The following SMS variants were observed in gnomAD, a reference collection of about 807,000 sequenced individuals.
SMS encodes spermidine aminopropyltransferase.
In SMS, 3 loss-of-function variants were observed where a neutral mutation model predicts 33.0. That is an observed-to-expected ratio of 0.09 (90% CI 0.04 to 0.23). SMS has a LOEUF of 0.23. Among genes scored for constraint, SMS ranks in the 10% least tolerant of loss-of-function variants. The pLI, the probability that SMS is intolerant of heterozygous loss-of-function variation, is 1.00. For missense variants in SMS, 117 were observed against 288.6 expected (o/e 0.41, Z 4.31); for synonymous variants, 103 against 112.2 (o/e 0.92, Z 0.52).
intron 5 of SMS, 112 bp downstream of exon 5, chrX:21,977,348 C>A: frequency 1.4e-6 from 1 of 708,922 alleles, no homozygotes; most frequent in Non-Finnish European, 2.3e-6. Context: ...GTTTTTGACA[C>A]TGCTGGTTTT....
At chrX:21,966,832 T>C (rs1923756902) in intron 1 of SMS, among the ~76,000 whole-genome samples, 1 of 111,483 alleles carries the variant, frequency 9.0e-6, no homozygotes, top group Non-Finnish European at 1.9e-5. Flanking sequence ...CTTGAATTTA[T>C]TTGCATTTCT....
chrX:21,959,667 T>C (rs1040891195), intron 1 of SMS, among the ~76,000 whole-genome samples: 1 of 112,974 alleles, frequency 8.9e-6, no homozygotes, highest in Non-Finnish European at 1.9e-5. Context: ...TGATTTCAAA[T>C]TGGATTGGAA....
rs10599284 is a variant in SMS, at chrX:21,953,890, A to ATT, written c.49+13031_49+13032dup. 4.6e-3 allele frequency among the ~76,000 whole-genome samples: 415 copies of ATT among 90,115 alleles called. 1 individual carries two copies. Among genetic ancestry groups the ATT allele is most frequent in the South Asian group, 0.019 (34 of 1,755 alleles). 78.3% of individuals were successfully genotyped at this position (90,115 alleles called of 115,157 possible). A position where few individuals can be genotyped will look rare whatever the true frequency, so the allele number is the denominator to read the frequency against. ...CCTCTAGTTTTTATCAATTTTATTG[A>ATT]TTTTTTTTTTTTTTTGCTGTTATCC... On this transcript the variant is annotated intron_variant, in intron 1 of 10. Transcript: ENST00000404933.
chrX:21,966,024 G>C (rs1031626895), intron 1 of SMS, among the ~76,000 whole-genome samples: 6 of 111,991 alleles, frequency 5.4e-5, no homozygotes, highest in Non-Finnish European at 9.4e-5. Context: ...TAAACTTCCC[G>C]TTTGTAGCCT....
At chrX:21,952,413 G>GT (rs1569342226) in intron 1 of SMS, among the ~76,000 whole-genome samples, 1 of 77,383 alleles carries the variant, frequency 1.3e-5, no homozygotes, top group Non-Finnish European at 2.4e-5. Context: ...CACGTTGTTT[G>GT]TTTGTTTGTT....
chrX:21,967,139 G>C, intron 1 of SMS, 57 bp from the exon 2 acceptor site: 1 of 1,176,463 alleles, frequency 8.5e-7, no homozygotes, highest in East Asian at 3.0e-5. Flanking sequence ...TGCCTCATTG[G>C]CCTTCCTTCT....
At position 21,978,178 on chromosome X, in the gene SMS, T is replaced by C. The variant is rs1924660923; in HGVS notation, c.660+64T>C. 3.8e-6 allele frequency: 4 copies of C among 1,059,372 alleles called. No individual in the cohort carries two copies. In the Admixed American group the frequency reaches 8.8e-5, roughly 23 times the overall value. The allele number at this position is 1,059,372 out of a possible 1,213,427, so 87.3% of individuals were successfully genotyped here. ...TCTTTTGTTTCCTTCCTTCAGTGTC[T>C]CACAACTCAAATTAATGTTACCACA... On this transcript the variant is annotated intron_variant, in intron 6 of 10. Coordinates refer to ENST00000404933, the MANE Select transcript of SMS (RefSeq NM_004595.5).
chrX:21,972,543 A>G lies in SMS; in HGVS notation c.301A>G (p.Ser101Gly), dbSNP rs774131287. The G allele has an allele frequency of 1.7e-5, 20 of 1,188,083 alleles. No individual in the cohort carries two copies. In the Admixed American group the frequency reaches 2.6e-4, roughly 16 times the overall value. The change falls in exon 4 of 11, where the codon AGT becomes GGT. Residue 101 changes from serine (S) to glycine (G), a missense_variant. By Grantham distance (56) the Ser-to-Gly change is moderately conservative. This residue lies in a region of SMS where 25 missense variants were observed against 24.4 expected (regional missense o/e 1.03). Coordinates refer to ENST00000404933, the MANE Select transcript of SMS (RefSeq NM_004595.5). ...AGTAGAGGAAAGAATGAAAGAATTG[A>G]GTCAGGACAGTACTGGGCGGGTGAA... ...NKVEERMKELSQDSTGRVKRL... is the reference protein window; with the variant it reads ...NKVEERMKELGQDSTGRVKRL...
intron 1 of SMS, among the ~76,000 whole-genome samples, chrX:21,960,591 A>T (rs1232639686): frequency 3.6e-5 from 4 of 112,122 alleles, no homozygotes; most frequent in Non-Finnish European, 7.5e-5. Flanking sequence ...CTGTATTAAT[A>T]AAAGCTTATT....
At position 21,940,721 on chromosome X, in the gene SMS, C is replaced by T; in HGVS notation, c.-104C>T. 6.0e-6 allele frequency: 4 copies of T among 669,193 alleles called. No individual in the cohort carries two copies. Among genetic ancestry groups the T allele is most frequent in the Non-Finnish European group, 8.7e-6 (4 of 460,395 alleles). The allele number at this position is 669,193 out of a possible 1,213,427, so 55.1% of individuals were successfully genotyped here. A position where few individuals can be genotyped will look rare whatever the true frequency, so the allele number is the denominator to read the frequency against. ...CCTCCCACCTCCTAGTCCTGGCCTC[C>T]CCGGGCGCAGCACACTCCCAGCCGG... On this transcript the variant is annotated 5_prime_UTR_variant, in exon 1 of 11. Coordinates refer to ENST00000404933, the MANE Select transcript of SMS (RefSeq NM_004595.5).
At chrX:21,959,855 C>T (rs1209189996) in intron 1 of SMS, 1 of 683,377 alleles carries the variant, frequency 1.5e-6, no homozygotes, top group Non-Finnish European at 1.7e-6. Flanking sequence ...GGGGGAGTTG[C>T]AGACTGGCTC....
intron 1 of SMS, among the ~76,000 whole-genome samples, chrX:21,962,856 C>T (rs769154020): frequency 1.8e-5 from 2 of 109,807 alleles, no homozygotes; most frequent in Non-Finnish European, 3.8e-5. Context: ...GATTTTACCA[C>T]GTTGCCCAGG....
rs185528181 is a variant in SMS, at chrX:21,953,464, G to A, written c.49+12591G>A. On this transcript the variant is annotated intron_variant, in intron 1 of 10. Transcript: ENST00000404933. Reference sequence around the variant, plus strand: ...TGCAGCTGCACAGCTAGAGAAACAGGGTCTTCACAATGCCTGGGAAAGGAG... The same window carrying A: ...TGCAGCTGCACAGCTAGAGAAACAGAGTCTTCACAATGCCTGGGAAAGGAG... Among the ~76,000 whole-genome samples, 517 of 112,044 alleles carry A rather than the reference G, an allele frequency of 4.6e-3. 5 individuals carry two copies. Among genetic ancestry groups the A allele is most frequent in the African/African-American group, 0.016 (486 of 30,866 alleles).
rs757173966 is a variant in SMS, at chrX:21,945,850, C to G, written c.49+4977C>G. On this transcript the variant is annotated intron_variant, in intron 1 of 10. Transcript: ENST00000404933. ...ATGTTGGCCAGGCTGGTCTCGAACT[C>G]CTGACCTCATGATCCACCCGCATTG... is the stretch of plus-strand genomic sequence containing the variant. Among the ~76,000 whole-genome samples the G allele has an allele frequency of 2.7e-5, 3 of 110,803 alleles. No homozygotes were observed. The South Asian group carries it at 1.2e-3, about 43-fold the overall frequency.
chrX:21,985,718 G>T (rs2146954486), intron 9 of SMS, among the ~76,000 whole-genome samples: 1 of 111,923 alleles, frequency 8.9e-6, no homozygotes, highest in South Asian at 3.7e-4. Context: ...AAAATTCCTT[G>T]ATGCATAAAC....
At chrX:21,968,521 C>T (rs899604309) in intron 2 of SMS, among the ~76,000 whole-genome samples, 4 of 111,584 alleles carry the variant, frequency 3.6e-5, no homozygotes, top group Non-Finnish European at 5.6e-5. Flanking sequence ...AGTGGATCTG[C>T]GGCAGGGCCC....
intron 5 of SMS, 61 bp from the exon 6 acceptor site, chrX:21,977,899 G>A: frequency 3.7e-6 from 4 of 1,084,949 alleles, no homozygotes; most frequent in Non-Finnish European, 5.1e-6. Context: ...TCAGTGTGGT[G>A]GGGCCAGGTG....
At chrX:21,961,034 CTTTTTT>C (rs773159264) in intron 1 of SMS, among the ~76,000 whole-genome samples, 1 of 41,728 alleles carries the variant, frequency 2.4e-5, no homozygotes, top group African/African-American at 1.1e-4. Context: ...ATATGCATGT[CTTTTTT>C]TTTTTTTTTT....
At chrX:21,972,940 A>AAAT (rs1924281607) in intron 4 of SMS, among the ~76,000 whole-genome samples, 1 of 104,766 alleles carries the variant, frequency 9.5e-6, no homozygotes, top group Non-Finnish European at 1.9e-5. Context: ...AAAAAAAAAA[A>AAAT]TTCAGAATGG....
Sources: allele counts gnomAD v4.1 joint callset (sites outside exome capture counted in the v4.1 genomes callset), GRCh38; gene constraint gnomAD v4.1.1; regional missense constraint gnomAD v4.1.1; transcripts MANE v1.5; gene names NCBI Gene and HGNC (gene_info 2026-07-23, HGNC 2026-07-21).